The following SRGAP3 variants were observed in gnomAD, a reference collection of about 807,000 sequenced individuals.
SRGAP3 encodes the protein SLIT-ROBO Rho GTPase-activating protein 3.
A neutral mutation model predicts 121.1 loss-of-function variants in SRGAP3; 39 were observed. That is an observed-to-expected ratio of 0.32 (90% CI 0.25 to 0.42). The LOEUF (loss-of-function observed/expected upper bound fraction) is 0.42, where lower values mean the gene tolerates loss of function less well. SRGAP3 is among the 10% of genes least tolerant of loss of function. SRGAP3 has a pLI of 1.00. For synonymous variants in SRGAP3, 601 were observed against 570.0 expected (o/e 1.05, Z -0.77); for missense variants, 1,213 against 1,470.6 (o/e 0.82, Z 2.86).
chr3:9,100,569 T>A (rs1948177613), intron 3 of SRGAP3, among the ~76,000 whole-genome samples: 1 of 152,256 alleles, frequency 6.6e-6, no homozygotes, highest in Middle Eastern at 3.4e-3. Context: ...CCGATCCCAT[T>A]TGACCAGAAT....
chr3:9,060,086 G>A (rs768494834), intron 6 of SRGAP3, 145 bp downstream of exon 6: 3 of 1,300,848 alleles, frequency 2.3e-6, no homozygotes, highest in Non-Finnish European at 3.3e-6. Context: ...CCAAATCACT[G>A]CCCTTCCCCT....
chr3:9,139,129 G>T (rs2125026764), intron 1 of SRGAP3, among the ~76,000 whole-genome samples: 1 of 152,266 alleles, frequency 6.6e-6, no homozygotes, highest in South Asian at 2.1e-4. Flanking sequence ...AATCCTTTCT[G>T]CCCTGTTGTT....
intron 3 of SRGAP3, among the ~76,000 whole-genome samples, chr3:9,324,729 G>A (rs913755306): frequency 6.6e-6 from 1 of 151,706 alleles, no homozygotes; most frequent in Non-Finnish European, 1.5e-5. Flanking sequence ...AGGCCAAGGT[G>A]GGCAGATCAC....
At chr3:9,006,103 C>G (rs1943054811) in intron 18 of SRGAP3, among the ~76,000 whole-genome samples, 1 of 54,168 alleles carries the variant, frequency 1.8e-5, no homozygotes, top group Non-Finnish European at 4.0e-5. Context: ...TTCTTAATTT[C>G]TTATGAAAAG....
chr3:9,353,606 C>A (rs904669448), intron 1 of SRGAP3, among the ~76,000 whole-genome samples: 3 of 152,176 alleles, frequency 2.0e-5, no homozygotes, highest in Non-Finnish European at 2.9e-5. Context: ...TGAAAGGGCA[C>A]GGGAAAAGTA....
At chr3:9,258,634 G>A (rs1240000371) in intron 3 of SRGAP3, among the ~76,000 whole-genome samples, 1 of 152,162 alleles carries the variant, frequency 6.6e-6, no homozygotes, top group African/African-American at 2.4e-5. Context: ...AAATACTGGC[G>A]ACTTTATAGA....
At chr3:9,203,340 C>A (rs555971754) in intron 1 of SRGAP3, among the ~76,000 whole-genome samples, 1 of 152,338 alleles carries the variant, frequency 6.6e-6, no homozygotes, top group Admixed American at 6.5e-5. Context: ...CCCTGGGAAA[C>A]CACTTAACCT....
At chr3:9,310,572 C>A (rs1955224803) in intron 3 of SRGAP3, among the ~76,000 whole-genome samples, 1 of 152,172 alleles carries the variant, frequency 6.6e-6, no homozygotes, top group Non-Finnish European at 1.5e-5. Flanking sequence ...GTGAAAGAGA[C>A]ATTCCCCTCT....
chr3:9,349,081 C>T (rs887779048), intron 1 of SRGAP3: 3 of 933,218 alleles, frequency 3.2e-6, no homozygotes, highest in South Asian at 1.3e-5. Context: ...CTGGTATTCC[C>T]GTTGTCTATG....
At chr3:9,251,856 T>G (rs540966387), upstream of SRGAP3, among the ~76,000 whole-genome samples, 3 of 152,290 alleles carry the variant, frequency 2.0e-5, no homozygotes, top group East Asian at 1.9e-4. Context: ...CAGCTGTGTG[T>G]GGGGCTCATG....
chr3:9,028,393 G>A (rs2125078201), intron 12 of SRGAP3, among the ~76,000 whole-genome samples: 1 of 152,284 alleles, frequency 6.6e-6, no homozygotes, highest in Middle Eastern at 3.4e-3. Flanking sequence ...GACACCAGCT[G>A]ACATGGGGGC....
At chr3:9,037,792 G>T in intron 11 of SRGAP3, 1 of 562,738 alleles carries the variant, frequency 1.8e-6, no homozygotes. Flanking sequence ...TCACCCGATG[G>T]CCAGCGCAAA....
chr3:9,093,368 C>T (rs1191496761), intron 3 of SRGAP3, among the ~76,000 whole-genome samples: 1 of 152,128 alleles, frequency 6.6e-6, no homozygotes, highest in African/African-American at 2.4e-5. Flanking sequence ...CACCTCTCCA[C>T]CCATTTGCCC....
chr3:9,040,076 T>A (rs1485564384), intron 10 of SRGAP3, among the ~76,000 whole-genome samples: 2 of 152,344 alleles, frequency 1.3e-5, no homozygotes, highest in Middle Eastern at 3.4e-3. Flanking sequence ...ATTTGTCCAC[T>A]TCTCTCCACT....
chr3:8,985,985 C>G lies in SRGAP3; in HGVS notation c.2887-53G>C. 3 of 1,599,024 alleles carry G rather than the reference C, an allele frequency of 1.9e-6. No homozygotes were observed. The East Asian group carries it at 6.7e-5, about 36-fold the overall frequency. On this transcript the variant is annotated intron_variant, in intron 21 of 21. Transcript: ENST00000383836. The surrounding 1 kb of genome is among the most constrained non-coding windows in gnomAD (Gnocchi z 5.1). ...ACAGTCTGGAGACCTGGAGTCAGGTCCTTCCTGTCTGCTAAGCAGCTTCCC... is the reference window on the plus strand; with the variant it reads ...ACAGTCTGGAGACCTGGAGTCAGGTGCTTCCTGTCTGCTAAGCAGCTTCCC...
At chr3:9,273,476 T>C (rs1954517730) in intron 3 of SRGAP3, among the ~76,000 whole-genome samples, 1 of 152,132 alleles carries the variant, frequency 6.6e-6, no homozygotes, top group African/African-American at 2.4e-5. Context: ...TTTTAGGAGT[T>C]CTTTATATAA....
chr3:9,040,697 G>T (rs1244606024), intron 10 of SRGAP3, among the ~76,000 whole-genome samples: 1 of 152,074 alleles, frequency 6.6e-6, no homozygotes, highest in Non-Finnish European at 1.5e-5. Flanking sequence ...TTGAGTAGCT[G>T]GGACCACAGG....
At chr3:9,251,555 G>A (rs185642544), upstream of SRGAP3, among the ~76,000 whole-genome samples, 18 of 152,314 alleles carry the variant, frequency 1.2e-4, no homozygotes, top group African/African-American at 4.3e-4. Flanking sequence ...TCTGCCACGA[G>A]CCTTGAGCTC....
intron 18 of SRGAP3, chr3:9,007,990 G>A (rs1559896439): frequency 6.6e-6 from 1 of 152,168 alleles, no homozygotes; most frequent in African/African-American, 2.4e-5. Context: ...GATACTTTGA[G>A]AGCCTTCAGG....
Sources: allele counts gnomAD v4.1 joint callset (sites outside exome capture counted in the v4.1 genomes callset), GRCh38; gene constraint gnomAD v4.1.1; non-coding constraint Gnocchi (gnomAD v3.1); transcripts MANE v1.5; gene names NCBI Gene and HGNC (gene_info 2026-07-23, HGNC 2026-07-21).